Variants in CWC27 observed in about 807,000 individuals in gnomAD.
The protein encoded by CWC27 is spliceosome-associated protein CWC27 homolog.
In CWC27, 47 loss-of-function variants were observed where a neutral mutation model predicts 63.6. The observed-to-expected ratio is 0.74, with a 90% CI of 0.58 to 0.94. The LOEUF is 0.94. Ranked by LOEUF, CWC27 falls within the 40% of genes least tolerant of loss-of-function variation. The probability of loss-of-function intolerance (pLI) is 0.00; values close to 1 mark genes in which losing one functional copy is unlikely to be tolerated. For synonymous variants in CWC27, 175 were observed against 179.8 expected (o/e 0.97, Z 0.22); for missense variants, 495 against 554.3 (o/e 0.89, Z 1.07).
At chr5:64,824,071 C>G (rs775113215) in intron 10 of CWC27, among the ~76,000 whole-genome samples, 11 of 152,110 alleles carry the variant, frequency 7.2e-5, no homozygotes, top group Non-Finnish European at 1.3e-4. Context: ...AAAGTTCTAA[C>G]TTTATCTAGC....
At chr5:64,850,459 C>T (rs556954839) in intron 10 of CWC27, among the ~76,000 whole-genome samples, 1 of 152,044 alleles carries the variant, frequency 6.6e-6, no homozygotes, top group Non-Finnish European at 1.5e-5. Context: ...AGACCAGAAA[C>T]TGTAAATCTG....
intron 10 of CWC27, among the ~76,000 whole-genome samples, chr5:64,880,494 C>G (rs373966445): frequency 2.0e-5 from 3 of 151,908 alleles, no homozygotes; most frequent in South Asian, 2.1e-4. Context: ...CAGAACCTAG[C>G]AAAGTGAGGT....
intron 10 of CWC27, among the ~76,000 whole-genome samples, chr5:64,844,549 G>A (rs919070918): frequency 1.3e-4 from 20 of 152,184 alleles, no homozygotes; most frequent in South Asian, 2.1e-4. Context: ...GTCTATACCA[G>A]TTTGACTTGA....
chr5:64,789,566 A>G (rs771627860), intron 7 of CWC27, among the ~76,000 whole-genome samples: 5 of 152,142 alleles, frequency 3.3e-5, no homozygotes, highest in Non-Finnish European at 7.4e-5. Context: ...CTTTGTAACT[A>G]TTAAATCCAT....
intron 7 of CWC27, among the ~76,000 whole-genome samples, chr5:64,797,199 T>G (rs1224439500): frequency 6.6e-6 from 1 of 152,118 alleles, no homozygotes; most frequent in Admixed American, 6.6e-5. Flanking sequence ...TCAACTTATT[T>G]TAAGCAATTT....
chr5:64,789,914 CTAACAA>C lies in CWC27; in HGVS notation c.669+900_669+905del, dbSNP rs201141944. On this transcript the variant is annotated intron_variant, in intron 7 of 13. Transcript: ENST00000381070. The stretch of plus-strand genomic sequence containing the variant: ...CATAATTATCTATTTCTTACCAACT[CTAACAA>C]TAACATTGAATTAAAAGCATATTAT... 7.6e-3 allele frequency among the ~76,000 whole-genome samples: 1,154 copies of C among 152,220 alleles called. 12 individuals carry two copies. Among genetic ancestry groups the C allele is most frequent in the African/African-American group, 0.015 (617 of 41,548 alleles).
intron 11 of CWC27, among the ~76,000 whole-genome samples, chr5:64,915,201 T>G (rs1380007281): frequency 2.6e-5 from 4 of 152,182 alleles, no homozygotes; most frequent in Non-Finnish European, 5.9e-5. Context: ...GTTCAAGAAC[T>G]CACTGACTTG....
chr5:64,987,483 CAGG>C (rs909652133), intron 13 of CWC27, among the ~76,000 whole-genome samples: 5 of 152,166 alleles, frequency 3.3e-5, no homozygotes, highest in Non-Finnish European at 7.4e-5. Context: ...AGGAACTCAA[CAGG>C]AGAAGACTCT....
intron 11 of CWC27, among the ~76,000 whole-genome samples, chr5:64,955,127 C>T (rs891101657): frequency 2.0e-5 from 3 of 152,040 alleles, no homozygotes; most frequent in Non-Finnish European, 4.4e-5. Flanking sequence ...ACTTAATCAG[C>T]TGAAGGCAGT....
intron 13 of CWC27, among the ~76,000 whole-genome samples, chr5:65,015,844 C>G (rs923263276): frequency 8.5e-5 from 13 of 152,322 alleles, no homozygotes; most frequent in Middle Eastern, 3.4e-3. Context: ...AGCTATCACC[C>G]TCAGAAGCCC....
intron 10 of CWC27, among the ~76,000 whole-genome samples, chr5:64,840,012 G>C (rs1745760048): frequency 6.6e-6 from 1 of 151,996 alleles, no homozygotes; most frequent in South Asian, 2.1e-4. Context: ...AGTCTCTAGG[G>C]GCTCTCTTTG....
At chr5:65,015,926 G>A (rs1028135775) in intron 13 of CWC27, among the ~76,000 whole-genome samples, 4 of 152,196 alleles carry the variant, frequency 2.6e-5, no homozygotes, top group African/African-American at 4.8e-5. Context: ...GTCTGCAGCC[G>A]ACAGGCCAAC....
intron 7 of CWC27, among the ~76,000 whole-genome samples, chr5:64,789,692 G>A (rs1262715788): frequency 6.6e-6 from 1 of 151,966 alleles, no homozygotes; most frequent in Admixed American, 6.6e-5. Flanking sequence ...ACTGAAACAC[G>A]GTGTCATGCC....
rs1040672381 is a variant in CWC27, at chr5:64,885,641, C to T, written c.1042+95C>T. Reference sequence around the variant, plus strand: ...GCCCGCTCCCGTATTCATCCCTTCCCTTCTCCTTTCCTTCTCATTTTTTCT... The same window carrying T: ...GCCCGCTCCCGTATTCATCCCTTCCTTTCTCCTTTCCTTCTCATTTTTTCT... On this transcript the variant is annotated intron_variant, in intron 11 of 13. Coordinates refer to ENST00000381070, the MANE Select transcript of CWC27 (RefSeq NM_005869.4). The T allele has an allele frequency of 2.4e-5, 21 of 866,554 alleles. 1 individual carries two copies. Among genetic ancestry groups the T allele is most frequent in the Middle Eastern group, 4.4e-4 (2 of 4,524 alleles). 53.7% of individuals were successfully genotyped at this position (866,554 alleles called of 1,614,324 possible). A position where few individuals can be genotyped will look rare whatever the true frequency, so the allele number is the denominator to read the frequency against.
intron 10 of CWC27, among the ~76,000 whole-genome samples, chr5:64,812,433 AG>A (rs1211163395): frequency 6.6e-6 from 1 of 152,146 alleles, no homozygotes; most frequent in East Asian, 1.9e-4. Context: ...AGACAGTAAA[AG>A]AAAGGAAGAG....
intron 10 of CWC27, among the ~76,000 whole-genome samples, chr5:64,859,856 A>G (rs1427499410): frequency 6.6e-6 from 1 of 152,086 alleles, no homozygotes; most frequent in Non-Finnish European, 1.5e-5. Flanking sequence ...TCATTCTTAG[A>G]CCATTTCCAG....
intron 11 of CWC27, among the ~76,000 whole-genome samples, chr5:64,963,475 A>C (rs1231057908): frequency 1.3e-5 from 2 of 152,226 alleles, no homozygotes; most frequent in Non-Finnish European, 2.9e-5. Context: ...AATTACTCAG[A>C]GTATGCTGAT....
rs551368527 is a variant in CWC27, at chr5:64,865,290, A to ATAAC, written c.939-20150_939-20147dup. On this transcript the variant is annotated intron_variant, in intron 10 of 13. Coordinates refer to ENST00000381070, the MANE Select transcript of CWC27 (RefSeq NM_005869.4). ...CTGTGATTTCATCAAACTCACACAAATAACTAGTGGAGTGAGCCCAAATGG... is the reference window on the plus strand; with the variant it reads ...CTGTGATTTCATCAAACTCACACAAATAACTAACTAGTGGAGTGAGCCCAAATGG... Among the ~76,000 whole-genome samples the ATAAC allele has an allele frequency of 2.6e-5, 4 of 152,232 alleles. No homozygotes were observed. In the South Asian group the frequency reaches 6.2e-4, roughly 24 times the overall value.
intron 13 of CWC27, among the ~76,000 whole-genome samples, chr5:64,994,264 G>C (rs987673170): frequency 2.0e-5 from 3 of 151,770 alleles, no homozygotes; most frequent in Non-Finnish European, 4.4e-5. Context: ...TCTCTTTTCA[G>C]TATACTGTCA....
Sources: allele counts gnomAD v4.1 joint callset (sites outside exome capture counted in the v4.1 genomes callset), GRCh38; gene constraint gnomAD v4.1.1; transcripts MANE v1.5; gene names NCBI Gene and HGNC (gene_info 2026-07-23, HGNC 2026-07-21).